Variants in ABCA12 observed in about 807,000 individuals in gnomAD.
ABCA12 encodes the protein glucosylceramide transporter ABCA12.
A neutral mutation model predicts 293.5 loss-of-function variants in ABCA12; 156 were observed. The observed-to-expected ratio is 0.53, with a 90% CI of 0.47 to 0.61. ABCA12 has a LOEUF of 0.61. ABCA12 is among the 20% of genes least tolerant of loss of function. The pLI is 0.00. For synonymous variants in ABCA12, 1,063 were observed against 1,108.0 expected (o/e 0.96, Z 0.81); for missense variants, 2,797 against 3,090.2 (o/e 0.91, Z 2.25).
intron 1 of ABCA12, among the ~76,000 whole-genome samples, chr2:215,115,805 C>T (rs940292937): frequency 5.9e-5 from 9 of 152,114 alleles, no homozygotes; most frequent in Admixed American, 4.6e-4. Context: ...CGTGCTAGTA[C>T]TTGAGGAGCC....
In ABCA12 at chr2:214,932,344, G is replaced by A. The variant is rs1040700426; in HGVS notation, c.*290C>T. 5 of 338,394 alleles carry A rather than the reference G, an allele frequency of 1.5e-5. No individual in the cohort carries two copies. Among genetic ancestry groups the A allele is most frequent in the African/African-American group, 1.1e-4 (5 of 46,966 alleles). 21.0% of individuals were successfully genotyped at this position (338,394 alleles called of 1,614,324 possible). A position where few individuals can be genotyped will look rare whatever the true frequency, so the allele number is the denominator to read the frequency against. On this transcript the variant is annotated 3_prime_UTR_variant, in exon 53 of 53. Transcript: ENST00000272895. The stretch of plus-strand genomic sequence containing the variant: ...CTTTTTATTGAAAGTAATAAATTAA[G>A]ATATTCATCTTGAGGTGGCTTCACC...
Position 214,968,749 on chromosome 2 carries a change from CT to C in ABCA12, c.5748del (p.Gly1917GlufsTer28). 4 of 1,613,302 alleles carry C rather than the reference CT, an allele frequency of 2.5e-6. No individual in the cohort carries two copies. Among genetic ancestry groups the C allele is most frequent in the Non-Finnish European group, 3.4e-6 (4 of 1,179,380 alleles). ...PLTKDLRFDI[T>X]GVPANRTLAK... ...GCAAGTGTTCTATTGGCAGGGACTC[CT>C]GTTATATCAAAACGAAGGTCTTTTG... On this transcript the variant is annotated frameshift_variant, in exon 38 of 53. Transcript: ENST00000272895. LOFTEE classifies it high-confidence loss of function.
rs1699728715 is a variant in ABCA12 at position 214,983,967 on chromosome 2, C to T, written c.4164-102G>A. On this transcript the variant is annotated intron_variant, in intron 28 of 52. Coordinates refer to ENST00000272895, the MANE Select transcript of ABCA12 (RefSeq NM_173076.3). ...GTTAGAAGGAAAAAATACAGTGTATCTTCTCAGTCAAGGGCAAACTATGAA... is the reference window on the plus strand; with the variant it reads ...GTTAGAAGGAAAAAATACAGTGTATTTTCTCAGTCAAGGGCAAACTATGAA... 6.2e-6 allele frequency: 6 copies of T among 969,286 alleles called. No homozygotes were observed. In the South Asian group the frequency reaches 7.4e-5, roughly 12 times the overall value. The allele number at this position is 969,286 out of a possible 1,614,324, so 60.0% of individuals were successfully genotyped here.
At chr2:215,011,796 G>T in intron 16 of ABCA12, 147 bp from the exon 17 acceptor site, 1 of 1,149,942 alleles carries the variant, frequency 8.7e-7, no homozygotes. Flanking sequence ...TGTAAATGAA[G>T]AACAATAAAC....
intron 8 of ABCA12, among the ~76,000 whole-genome samples, chr2:215,033,941 A>G (rs962918501): frequency 6.6e-6 from 1 of 152,074 alleles, no homozygotes. Flanking sequence ...ACTCCGTCTC[A>G]AAAAATAAAA....
intron 2 of ABCA12, among the ~76,000 whole-genome samples, chr2:215,088,359 A>C (rs1485984252): frequency 6.6e-6 from 1 of 152,236 alleles, no homozygotes; most frequent in Admixed American, 6.5e-5. Context: ...AAGGATGTGG[A>C]CATGAAGGGA....
intron 18 of ABCA12, 53 bp downstream of exon 18, chr2:215,010,278 C>T (rs766214410): frequency 3.1e-6 from 5 of 1,605,024 alleles, no homozygotes; most frequent in African/African-American, 1.3e-5. Context: ...AAGTTGACTA[C>T]TTTAAAAAAC....
intron 14 of ABCA12, 131 bp downstream of exon 14, chr2:215,017,877 A>T: frequency 7.6e-7 from 1 of 1,308,470 alleles, no homozygotes; most frequent in Non-Finnish European, 1.1e-6. Context: ...CTCCAGGTTT[A>T]TCACTTGCAT....
chr2:214,940,797 G>A (rs1019554842), intron 50 of ABCA12, among the ~76,000 whole-genome samples: 1 of 152,124 alleles, frequency 6.6e-6, no homozygotes, highest in African/African-American at 2.4e-5. Context: ...TTATGTCTCT[G>A]TGGGATCAGT....
chr2:215,028,265 G>A (rs994218421), intron 9 of ABCA12, among the ~76,000 whole-genome samples: 1 of 152,058 alleles, frequency 6.6e-6, no homozygotes, highest in Admixed American at 6.6e-5. Context: ...GAAGACTCAG[G>A]GTGTTTAAAT....
chr2:215,007,660 T>C (rs1700283151), intron 19 of ABCA12, 67 bp downstream of exon 19: 5 of 1,594,780 alleles, frequency 3.1e-6, no homozygotes, highest in African/African-American at 1.3e-5. Flanking sequence ...CGTTCACATA[T>C]TGAAGGCAAT....
rs1523721 is a variant in ABCA12, at chr2:215,064,249, G to C, written c.164-30C>G. ...AATTAAAAAAACAGTCATTACATCAGTATGGCACATTTGTCTGGGAAAGAA... is the reference window on the plus strand; with the variant it reads ...AATTAAAAAAACAGTCATTACATCACTATGGCACATTTGTCTGGGAAAGAA... On this transcript the variant is annotated intron_variant, in intron 2 of 52. Coordinates refer to ENST00000272895, the MANE Select transcript of ABCA12 (RefSeq NM_173076.3). 933,908 of 1,605,412 alleles carry C rather than the reference G, an allele frequency of 0.58. 275,429 individuals are homozygous for C. The highest frequency in any genetic ancestry group is 0.76 in the African/African-American group (57,000 of 74,570).
intron 50 of ABCA12, among the ~76,000 whole-genome samples, chr2:214,942,008 G>T (rs1221356088): frequency 6.6e-6 from 1 of 152,106 alleles, no homozygotes; most frequent in African/African-American, 2.4e-5. Context: ...TATGACGCTA[G>T]CTGGTTATTT....
intron 22 of ABCA12, among the ~76,000 whole-genome samples, chr2:214,998,550 T>C (rs1359421550): frequency 6.6e-6 from 1 of 152,202 alleles, no homozygotes; most frequent in Non-Finnish European, 1.5e-5. Context: ...AAATGTCTAT[T>C]TTGATGATGT....
chr2:214,990,608 AT>A (rs1699889945), intron 24 of ABCA12, 93 bp downstream of exon 24: 2 of 1,296,712 alleles, frequency 1.5e-6, no homozygotes, highest in South Asian at 2.5e-5. Flanking sequence ...TCAAATTAAG[AT>A]AAGTGAACTT....
chr2:214,986,532 G>C lies in ABCA12; in HGVS notation c.4163+10C>G. The C allele has an allele frequency of 1.2e-6, 2 of 1,613,500 alleles. No homozygotes were observed. Among genetic ancestry groups the C allele is most frequent in the South Asian group, 1.1e-5 (1 of 91,052 alleles). On this transcript the variant is annotated intron_variant, in intron 28 of 52. Coordinates refer to ENST00000272895, the MANE Select transcript of ABCA12 (RefSeq NM_173076.3). ...CTTCCATGGCAATAAATGTCAAAAA[G>C]TTAACATACATGGTAGTAGTTTTCC... is the stretch of plus-strand genomic sequence containing the variant.
intron 2 of ABCA12, among the ~76,000 whole-genome samples, chr2:215,080,507 A>G (rs1309316610): frequency 6.6e-6 from 1 of 152,124 alleles, no homozygotes. Context: ...GGTCTCAAAA[A>G]AAAGAAAAGA....
intron 2 of ABCA12, among the ~76,000 whole-genome samples, chr2:215,090,477 C>T (rs917834623): frequency 6.6e-6 from 1 of 152,280 alleles, no homozygotes; most frequent in South Asian, 2.1e-4. Context: ...TCTTCTCTAA[C>T]CTCTCTTGCT....
intron 2 of ABCA12, among the ~76,000 whole-genome samples, chr2:215,100,438 CT>C (rs1702334414): frequency 6.6e-6 from 1 of 152,156 alleles, no homozygotes; most frequent in Non-Finnish European, 1.5e-5. Flanking sequence ...TCGCAGCCAT[CT>C]TTTCCTTTTT....
Sources: gnomAD v4.1 joint callset for allele counts (sites outside exome capture counted in the v4.1 genomes callset) on GRCh38, gnomAD v4.1.1 for gene constraint, MANE v1.5 for transcripts, NCBI Gene and HGNC (gene_info 2026-07-23, HGNC 2026-07-21) for gene names.